Variants in AACS observed in about 807,000 individuals in gnomAD.
AACS encodes acetoacetyl-CoA synthetase.
A neutral mutation model predicts 83.1 loss-of-function variants in AACS; 69 were observed. The observed-to-expected ratio is 0.83, with a 90% confidence interval of 0.68 to 1.01. AACS has a LOEUF of 1.01. Among genes scored for constraint, AACS ranks in the 50% least tolerant of loss-of-function variants. AACS has a pLI of 0.00. For synonymous variants in AACS, 333 were observed against 343.4 expected (o/e 0.97, Z 0.33); for missense variants, 866 against 882.2 (o/e 0.98, Z 0.23).
intron 8 of AACS, among the ~76,000 whole-genome samples, chr12:125,109,984 C>G (rs933924034): frequency 2.0e-5 from 3 of 150,914 alleles, no homozygotes; most frequent in Admixed American, 6.6e-5. Context: ...CACTAGGCCA[C>G]TCTTCAGAAA....
At position 125,142,928 on chromosome 12, in the gene AACS, T is replaced by C. The variant is rs1273025996; in HGVS notation, c.*699T>C. The C allele has an allele frequency of 6.6e-6, 1 of 152,244 alleles. No individual in the cohort carries two copies. The highest frequency in any genetic ancestry group is 1.5e-5 in the Non-Finnish European group (1 of 68,054). 9.4% of individuals were successfully genotyped at this position (152,244 alleles called of 1,614,324 possible). A position where few individuals can be genotyped will look rare whatever the true frequency, so the allele number is the denominator to read the frequency against. On this transcript the variant is annotated 3_prime_UTR_variant, in exon 18 of 18. Coordinates refer to ENST00000316519, the MANE Select transcript of AACS (RefSeq NM_023928.5). ...ACATGTTTCTAATGTGAATTAGGCA[T>C]GTGAAGCAGTGGGTGTCCACCCGTG...
chr12:125,075,336 TG>T (rs1415295173), intron 2 of AACS, among the ~76,000 whole-genome samples: 3 of 150,752 alleles, frequency 2.0e-5, no homozygotes, highest in Admixed American at 6.6e-5. Flanking sequence ...GTCTCGCTTT[TG>T]TCACCCAGGC....
chr12:125,073,072 A>C (rs963370962), intron 1 of AACS, among the ~76,000 whole-genome samples: 2 of 151,612 alleles, frequency 1.3e-5, no homozygotes, highest in African/African-American at 4.8e-5. Flanking sequence ...GATTACAGGC[A>C]CCCGCCACCA....
At chr12:125,123,963 A>G (rs1957200248) in intron 10 of AACS, 1 of 152,276 alleles carries the variant, frequency 6.6e-6, no homozygotes, top group African/African-American at 2.4e-5. Flanking sequence ...GAAGAGCTGG[A>G]CTTTTCTAAG....
chr12:125,095,007 GTGTGTGT>G (rs1956574751), intron 5 of AACS, among the ~76,000 whole-genome samples: 1 of 148,078 alleles, frequency 6.8e-6, no homozygotes, highest in South Asian at 2.2e-4. Flanking sequence ...GTGTGTGTGT[GTGTGTGT>G]GTGTGTGTGT....
At chr12:125,080,731 C>T (rs947493059) in intron 3 of AACS, among the ~76,000 whole-genome samples, 3 of 151,456 alleles carry the variant, frequency 2.0e-5, no homozygotes, top group Non-Finnish European at 2.9e-5. Flanking sequence ...TAGCTCTGTC[C>T]CCCAGGCTGG....
At chr12:125,114,311 A>G in intron 8 of AACS, 166 bp from the exon 9 acceptor site, 3 of 552,634 alleles carry the variant, frequency 5.4e-6, no homozygotes, top group Non-Finnish European at 9.5e-6. Flanking sequence ...GGCTCATCAC[A>G]GGGGAGTGGG....
chr12:125,102,944 A>G lies in AACS; in HGVS notation c.686-56A>G, dbSNP rs79425151. 6.0e-6 allele frequency: 9 copies of G among 1,511,480 alleles called. No individual in the cohort carries two copies. In the Admixed American group the frequency reaches 6.1e-5, roughly 10 times the overall value. 93.6% of individuals were successfully genotyped at this position (1,511,480 alleles called of 1,614,324 possible). A position where few individuals can be genotyped will look rare whatever the true frequency, so the allele number is the denominator to read the frequency against. Reference sequence around the variant, plus strand: ...GTTATATTTTGTGGAAAAAAAAAAAAGCAGCCAAGCATCTTTGTCCTGTAA... The same window carrying G: ...GTTATATTTTGTGGAAAAAAAAAAAGGCAGCCAAGCATCTTTGTCCTGTAA... On this transcript the variant is annotated intron_variant, in intron 6 of 17. Coordinates refer to ENST00000316519, the MANE Select transcript of AACS (RefSeq NM_023928.5).
chr12:125,110,189 TTGTGTGTGTGTGTGTGTGTGTGTGTGTG>T lies in AACS; in HGVS notation c.915+2955_915+2982del, dbSNP rs59856503. On this transcript the variant is annotated intron_variant, in intron 8 of 17. Coordinates refer to ENST00000316519, the MANE Select transcript of AACS (RefSeq NM_023928.5). Reference sequence around the variant, plus strand: ...CGCCCGCGACCACGGCCGGCTAAGTTTGTGTGTGTGTGTGTGTGTGTGTGTGTGTGTGTGTGTGTGTGTGTGTGTGTGT... The same window carrying T: ...CGCCCGCGACCACGGCCGGCTAAGTTTGTGTGTGTGTGTGTGTGTGTGTGT... Among the ~76,000 whole-genome samples the T allele has an allele frequency of 1.6e-3, 194 of 118,948 alleles. 2 individuals are homozygous for T. The highest frequency in any genetic ancestry group is 3.1e-3 in the Admixed American group (36 of 11,680). The allele number at this position is 118,948 out of a possible 152,430, so 78.0% of individuals were successfully genotyped here.
chr12:125,072,638 C>G (rs1322610879), intron 1 of AACS, among the ~76,000 whole-genome samples: 2 of 152,328 alleles, frequency 1.3e-5, no homozygotes, highest in East Asian at 1.9e-4. Context: ...TCTCCTGTCC[C>G]TAAGGACTGA....
chr12:125,073,177 C>T (rs1231880795), intron 1 of AACS, among the ~76,000 whole-genome samples: 1 of 152,148 alleles, frequency 6.6e-6, no homozygotes, highest in Non-Finnish European at 1.5e-5. Context: ...ATCCACCTGC[C>T]TCGGCCTCCC....
At chr12:125,091,576 G>T in intron 5 of AACS, 53 bp downstream of exon 5, 1 of 1,576,798 alleles carries the variant, frequency 6.3e-7, no homozygotes, top group Non-Finnish European at 8.7e-7. Context: ...GAGCATCCTG[G>T]GCAGGGGCTG....
At chr12:125,076,439 C>T (rs1041870742) in intron 2 of AACS, 52 bp from the exon 3 acceptor site, 7 of 1,593,200 alleles carry the variant, frequency 4.4e-6, no homozygotes, top group Non-Finnish European at 6.0e-6. Context: ...TTTTGCTGAT[C>T]TGTAGCGTAG....
intron 17 of AACS, chr12:125,139,218 C>T (rs1377716649): frequency 1.3e-5 from 2 of 152,262 alleles, no homozygotes; most frequent in Non-Finnish European, 2.9e-5. Flanking sequence ...TTGAGTAAGA[C>T]TCATCCCATC....
chr12:125,136,471 C>T (rs111720253), intron 16 of AACS, among the ~76,000 whole-genome samples, 191 bp from the exon 17 acceptor site: 21 of 152,080 alleles, frequency 1.4e-4, no homozygotes, highest in African/African-American at 3.9e-4. Context: ...GGTTTTCTTC[C>T]GCTTGTGAAA....
intron 3 of AACS, among the ~76,000 whole-genome samples, chr12:125,086,107 C>T (rs1246119335): frequency 2.0e-5 from 3 of 152,198 alleles, no homozygotes; most frequent in African/African-American, 7.2e-5. Flanking sequence ...AGAATCTTTA[C>T]GCAGCACATG....
In AACS at chr12:125,136,632, G is replaced by A. The variant is rs762459670; in HGVS notation, c.1679-30G>A. On this transcript the variant is annotated intron_variant, in intron 16 of 17. Transcript: ENST00000316519. ...GACCCCACACTGAGGGGCCCCCTGC[G>A]TGAATGTGCACCCTCTCCTGTCTCC... 4.4e-6 allele frequency: 7 copies of A among 1,604,358 alleles called. No homozygotes were observed. The Admixed American group carries it at 5.0e-5, about 11-fold the overall frequency.
Position 125,089,023 on chromosome 12 carries a change from G to A in AACS, c.473-2403G>A, listed in dbSNP as rs187814774. 1.1e-3 allele frequency among the ~76,000 whole-genome samples: 174 copies of A among 152,312 alleles called. 2 individuals are homozygous for A. In the Middle Eastern group the frequency reaches 0.014, roughly 12 times the overall value. ...CTGTGAAGTGGTTCCCAGGGTTGGC[G>A]TCTGATGTACCATGGGAGAAGGGCC... On this transcript the variant is annotated intron_variant, in intron 4 of 17. Transcript: ENST00000316519.
At chr12:125,096,980 G>C (rs911080568) in intron 5 of AACS, among the ~76,000 whole-genome samples, 3 of 152,214 alleles carry the variant, frequency 2.0e-5, no homozygotes, top group Middle Eastern at 6.8e-3. Flanking sequence ...AGGAGGAAGG[G>C]GTGGCATTCT....
Sources: gnomAD v4.1 joint callset for allele counts (sites outside exome capture counted in the v4.1 genomes callset) on GRCh38, gnomAD v4.1.1 for gene constraint, MANE v1.5 for transcripts, NCBI Gene and HGNC (gene_info 2026-07-23, HGNC 2026-07-21) for gene names.